Variants in PLA2G6 observed in about 807,000 individuals in gnomAD.
The protein encoded by PLA2G6 is 85/88 kDa calcium-independent phospholipase A2.
A neutral mutation model predicts 83.8 loss-of-function variants in PLA2G6; 62 were observed. The observed-to-expected ratio is 0.74, with a 90% CI of 0.60 to 0.91. PLA2G6 has a LOEUF of 0.91. Ranked by LOEUF, PLA2G6 falls within the 40% of genes least tolerant of loss-of-function variation. PLA2G6 has a pLI of 0.00. For missense variants in PLA2G6, 944 were observed against 1,102.0 expected, an observed-to-expected ratio of 0.86 and a Z score of 2.03; for synonymous variants, 417 against 449.8, an observed-to-expected ratio of 0.93 and a Z score of 0.92.
chr22:38,111,947 A>T lies in PLA2G6; in HGVS notation c.*214T>A. On this transcript the variant is annotated 3_prime_UTR_variant, in exon 17 of 17. Transcript: ENST00000332509. ...GCCAAAGGGGGCTCTAGACTTTCCC[A>T]GCCTGGAATGACAGAAAGTGCTGGA... The T allele has an allele frequency of 1.6e-6, 1 of 614,408 alleles. No individual in the cohort carries two copies. The highest frequency in any genetic ancestry group is 2.9e-6 in the Non-Finnish European group (1 of 345,440). The allele number at this position is 614,408 out of a possible 1,614,324, so 38.1% of individuals were successfully genotyped here. A position where few individuals can be genotyped will look rare whatever the true frequency, so the allele number is the denominator to read the frequency against.
At position 38,120,699 on chromosome 22, in the gene PLA2G6, C is replaced by T. The variant is rs2087472822; in HGVS notation, c.1742+60G>A. 6 of 1,599,550 alleles carry T rather than the reference C, an allele frequency of 3.8e-6. No homozygotes were observed. In the South Asian group the frequency reaches 6.6e-5, roughly 18 times the overall value. On this transcript the variant is annotated intron_variant, in intron 12 of 16. Coordinates refer to ENST00000332509, the MANE Select transcript of PLA2G6 (RefSeq NM_003560.4). ...TCAGCAGGACAGGGAGCCCTCTGTCCCCAGGGAACAGCCACAGTGGGCACA... is the reference window on the plus strand; with the variant it reads ...TCAGCAGGACAGGGAGCCCTCTGTCTCCAGGGAACAGCCACAGTGGGCACA...
intron 1 of PLA2G6, among the ~76,000 whole-genome samples, chr22:38,172,211 T>A (rs1046404289): frequency 1.3e-5 from 2 of 152,166 alleles, no homozygotes; most frequent in African/African-American, 2.4e-5. Context: ...ATTATTATCC[T>A]CATTTTACAT....
Position 38,132,826 on chromosome 22 carries a change from C to T in PLA2G6, c.1077+5G>A, listed in dbSNP as rs767247673. ...ACAGGGCAGGACACGCGGTCCTGGG[C>T]TCACCGACATGGCCAGGTGCAGCGG... On this transcript the variant is annotated splice_donor_5th_base_variant and intron_variant, in intron 7 of 16. Transcript: ENST00000332509. The surrounding 1 kb of genome is among the most constrained non-coding windows in gnomAD (Gnocchi z 5.0). 2 of 1,543,944 alleles carry T rather than the reference C, an allele frequency of 1.3e-6. No homozygotes were observed. The highest frequency in any genetic ancestry group is 2.4e-5 in the South Asian group (2 of 83,992).
At chr22:38,118,753 G>A (rs1168232853) in intron 12 of PLA2G6, among the ~76,000 whole-genome samples, 1 of 138,664 alleles carries the variant, frequency 7.2e-6, no homozygotes, top group African/African-American at 2.6e-5. Flanking sequence ...GTTTGTTTTT[G>A]TTTTTTTTTT....
rs139873117 is a variant in PLA2G6, at chr22:38,170,933, G to A, written c.-45-1462C>T. 4.3e-3 allele frequency among the ~76,000 whole-genome samples: 660 copies of A among 152,286 alleles called. 9 individuals are homozygous for A. Among genetic ancestry groups the A allele is most frequent in the African/African-American group, 0.015 (637 of 41,566 alleles). On this transcript the variant is annotated intron_variant, in intron 1 of 16. Transcript: ENST00000332509. ...CGCCTGTAATCCCAGCACTTTGGGAGGCCGACTCGGGCGGATCACCTGAGG... is the reference window on the plus strand; with the variant it reads ...CGCCTGTAATCCCAGCACTTTGGGAAGCCGACTCGGGCGGATCACCTGAGG...
chr22:38,119,405 T>C (rs1410986919), intron 12 of PLA2G6, among the ~76,000 whole-genome samples: 3 of 152,306 alleles, frequency 2.0e-5, no homozygotes, highest in Middle Eastern at 6.8e-3. Context: ...ATCTTGGATT[T>C]CACCCTCATA....
intron 10 of PLA2G6, among the ~76,000 whole-genome samples, chr22:38,124,023 C>T (rs747140297): frequency 3.9e-5 from 6 of 151,990 alleles, no homozygotes; most frequent in Admixed American, 3.3e-4. Flanking sequence ...TTAATAGAGA[C>T]GGGGTTTCTC....
intron 1 of PLA2G6, among the ~76,000 whole-genome samples, chr22:38,179,706 G>A (rs919449393): frequency 6.6e-6 from 1 of 152,170 alleles, no homozygotes; most frequent in African/African-American, 2.4e-5. Flanking sequence ...TCAGGAGGTG[G>A]AGGTTGCAGT....
intron 15 of PLA2G6, chr22:38,112,888 CCT>C (rs34550422): frequency 0.46 from 202,683 of 440,842 alleles, 34,666 homozygotes; most frequent in South Asian, 0.55. Context: ...CTCCCTCCCT[CCT>C]CTCTCTCTCT....
chr22:38,135,191 C>A (rs1237469628), intron 5 of PLA2G6, 107 bp from the exon 6 acceptor site: 23 of 788,542 alleles, frequency 2.9e-5, no homozygotes, highest in South Asian at 2.8e-4. Flanking sequence ...AGCATCACTG[C>A]AAACAAAGTT....
chr22:38,129,622 GC>G lies in PLA2G6; in HGVS notation c.1078-61del. 4 of 1,290,188 alleles carry G rather than the reference GC, an allele frequency of 3.1e-6. No homozygotes were observed. The East Asian group carries it at 6.9e-5, about 22-fold the overall frequency. The allele number at this position is 1,290,188 out of a possible 1,614,324, so 79.9% of individuals were successfully genotyped here. On this transcript the variant is annotated intron_variant, in intron 7 of 16. Transcript: ENST00000332509. Reference sequence around the variant, plus strand: ...TGCCGGGGAAGTGAAGAACAAAGGGGCCCCTGGCTGCCAGCCCCAACCTGTC... The same window carrying G: ...TGCCGGGGAAGTGAAGAACAAAGGGGCCCTGGCTGCCAGCCCCAACCTGTC...
At position 38,128,182 on chromosome 22, in the gene PLA2G6, A is replaced by C; in HGVS notation, c.1348+87T>G. The C allele has an allele frequency of 1.9e-5, 26 of 1,348,238 alleles. No individual in the cohort carries two copies. The highest frequency in any genetic ancestry group is 2.4e-5 in the Non-Finnish European group (23 of 941,730). 83.5% of individuals were successfully genotyped at this position (1,348,238 alleles called of 1,614,324 possible). A position where few individuals can be genotyped will look rare whatever the true frequency, so the allele number is the denominator to read the frequency against. On this transcript the variant is annotated intron_variant, in intron 9 of 16. Transcript: ENST00000332509. This position sits in a 1 kb window ranked among gnomAD's most constrained non-coding sequence, Gnocchi z 4.4. ...GGCTTCCTTTAGTGACTTCCGTCCT[A>C]GGGATCCTGTTGCTTTGGTGGGGCC... is the stretch of plus-strand genomic sequence containing the variant.
intron 1 of PLA2G6, among the ~76,000 whole-genome samples, chr22:38,170,895 G>C (rs2145936300): frequency 6.6e-6 from 1 of 152,290 alleles, no homozygotes; most frequent in South Asian, 2.1e-4. Flanking sequence ...TACCAACAAG[G>C]CACGGTGGTT....
At chr22:38,137,397 C>T (rs2088622091) in intron 5 of PLA2G6, 1 of 152,608 alleles carries the variant, frequency 6.6e-6, no homozygotes, top group Admixed American at 6.5e-5. Flanking sequence ...CTCTGAGCTC[C>T]TAGTGCAGCC....
chr22:38,152,425 CA>C (rs132943), intron 2 of PLA2G6, among the ~76,000 whole-genome samples: 27,769 of 151,562 alleles, frequency 0.18, 2,856 homozygotes, highest in East Asian at 0.44. Context: ...AGGCTGGTCT[CA>C]AAACTCCCGA....
At chr22:38,119,917 A>G (rs1352865528) in intron 12 of PLA2G6, among the ~76,000 whole-genome samples, 1 of 143,538 alleles carries the variant, frequency 7.0e-6, no homozygotes, top group Admixed American at 6.9e-5. Flanking sequence ...AACCAAAACC[A>G]AAACAAAAAA....
intron 5 of PLA2G6, chr22:38,138,085 G>C (rs1447545506): frequency 6.6e-6 from 1 of 152,366 alleles, no homozygotes; most frequent in Non-Finnish European, 1.5e-5. Context: ...TGGGGACAGA[G>C]GGACCGGTGA....
intron 6 of PLA2G6, chr22:38,133,800 G>A (rs530841643): frequency 6.5e-5 from 10 of 152,676 alleles, no homozygotes; most frequent in African/African-American, 2.4e-4. Flanking sequence ...GAAGAACTCA[G>A]AGGAGATGCC....
chr22:38,166,725 C>G (rs185680384), intron 2 of PLA2G6, among the ~76,000 whole-genome samples: 1 of 119,290 alleles, frequency 8.4e-6, no homozygotes, highest in Non-Finnish European at 1.8e-5. Context: ...CAAGACTTAA[C>G]GTCTCAAAAA....
Sources: allele counts gnomAD v4.1 joint callset (sites outside exome capture counted in the v4.1 genomes callset), GRCh38; gene constraint gnomAD v4.1.1; non-coding constraint Gnocchi (gnomAD v3.1); transcripts MANE v1.5; gene names NCBI Gene and HGNC (gene_info 2026-07-23, HGNC 2026-07-21).